SIPA1L3: variants seen among roughly 807,000 people sequenced by gnomAD.
SIPA1L3 encodes signal induced proliferation associated 1 like 3.
SIPA1L3 carries 59 observed loss-of-function variants against 150.1 expected under a neutral mutation model. The observed-to-expected ratio is 0.39, with a 90% CI of 0.32 to 0.49. SIPA1L3 has a LOEUF of 0.49. SIPA1L3 is among the 20% of genes least tolerant of loss of function. The probability of loss-of-function intolerance (pLI) is 0.86; values close to 1 mark genes in which losing one functional copy is unlikely to be tolerated. For synonymous variants in SIPA1L3, 1,070 were observed against 1,077.6 expected (o/e 0.99, Z 0.14); for missense variants, 2,211 against 2,489.5 (o/e 0.89, Z 2.38).
intron 1 of SIPA1L3, among the ~76,000 whole-genome samples, chr19:37,938,835 C>G (rs834314): frequency 6.6e-6 from 1 of 152,056 alleles, no homozygotes; most frequent in Admixed American, 6.6e-5. Flanking sequence ...GTTGGCCAGG[C>G]TGGTCTCAAA....
In SIPA1L3 at chr19:38,201,431, G is replaced by A. The variant is rs181793756; in HGVS notation, c.4985-431G>A. The stretch of plus-strand genomic sequence containing the variant: ...TTTTGAAATCTTCCCAGCTTCCTCC[G>A]AAGGAGAGCGAATTGTATAACGAAT... On this transcript the variant is annotated intron_variant, in intron 19 of 21. Transcript: ENST00000222345. Among the ~76,000 whole-genome samples, 686 of 152,300 alleles carry A rather than the reference G, an allele frequency of 4.5e-3. 2 individuals carry two copies. Among genetic ancestry groups the A allele is most frequent in the African/African-American group, 0.016 (652 of 41,560 alleles).
intron 1 of SIPA1L3, among the ~76,000 whole-genome samples, chr19:38,027,597 C>G (rs900291569): frequency 2.6e-5 from 4 of 151,872 alleles, no homozygotes; most frequent in Non-Finnish European, 5.9e-5. Context: ...CTTCATTGAC[C>G]ATTGTGACAG....
Position 38,088,895 on chromosome 19 carries a change from C to G in SIPA1L3, c.1665+44C>G, listed in dbSNP as rs1323678567. ...GTTCTTATTAAAGAAATCATAGCCA[C>G]TCACATCTCGAGCCAGGTTCTGGGG... On this transcript the variant is annotated intron_variant, in intron 4 of 21. Transcript: ENST00000222345. 3 of 1,600,994 alleles carry G rather than the reference C, an allele frequency of 1.9e-6. No individual in the cohort carries two copies. In the African/African-American group the frequency reaches 4.0e-5, roughly 21 times the overall value.
In SIPA1L3 at chr19:38,102,265, T is replaced by G. The variant is rs535650115; in HGVS notation, c.2029+1039T>G. Among the ~76,000 whole-genome samples, 39 of 144,952 alleles carry G rather than the reference T, an allele frequency of 2.7e-4. 1 individual carries two copies. The highest frequency in any genetic ancestry group is 2.2e-3 in the South Asian group (10 of 4,606). ...ATTTACTATATTGGCCAGGTTGGTCTTGAACTGCTGACCTCGTGATCTGCC... is the reference window on the plus strand; with the variant it reads ...ATTTACTATATTGGCCAGGTTGGTCGTGAACTGCTGACCTCGTGATCTGCC... On this transcript the variant is annotated intron_variant, in intron 6 of 21. Coordinates refer to ENST00000222345, the MANE Select transcript of SIPA1L3 (RefSeq NM_015073.3).
intron 1 of SIPA1L3, among the ~76,000 whole-genome samples, chr19:37,999,726 G>C (rs936138640): frequency 2.0e-5 from 3 of 152,262 alleles, no homozygotes; most frequent in Non-Finnish European, 2.9e-5. Context: ...GCTTCCGGCT[G>C]TCTCACTTCT....
At position 38,018,019 on chromosome 19, in the gene SIPA1L3, G is replaced by T. The variant is rs10419700; in HGVS notation, c.-378-11070G>T. Among the ~76,000 whole-genome samples the T allele has an allele frequency of 1.0e-2, 1,510 of 151,598 alleles. 22 individuals carry two copies. Among genetic ancestry groups the T allele is most frequent in the African/African-American group, 0.033 (1,380 of 41,394 alleles). On this transcript the variant is annotated intron_variant, in intron 1 of 21. Coordinates refer to ENST00000222345, the MANE Select transcript of SIPA1L3 (RefSeq NM_015073.3). Reference sequence around the variant, plus strand: ...CACCCTCCCTTGCTGCAGCCATCCAGCCACATGGGCTCCCTGCGTGTTTCT... The same window carrying T: ...CACCCTCCCTTGCTGCAGCCATCCATCCACATGGGCTCCCTGCGTGTTTCT...
At chr19:38,129,708 T>G (rs1002445213) in intron 9 of SIPA1L3, among the ~76,000 whole-genome samples, 19 of 152,024 alleles carry the variant, frequency 1.2e-4, no homozygotes, top group Admixed American at 1.1e-3. Context: ...GTACTTCTGG[T>G]CTCATGCTTC....
intron 2 of SIPA1L3, among the ~76,000 whole-genome samples, chr19:38,052,368 G>A (rs1265169633): frequency 2.6e-5 from 4 of 152,238 alleles, no homozygotes; most frequent in African/African-American, 9.6e-5. Flanking sequence ...AGCAACCAGA[G>A]CTGAAGGGCG....
chr19:38,130,866 G>A, intron 10 of SIPA1L3, 94 bp downstream of exon 10: 1 of 1,386,696 alleles, frequency 7.2e-7, no homozygotes, highest in Non-Finnish European at 9.8e-7. Flanking sequence ...GGTCCCAATA[G>A]AGGGGGGATA....
intron 2 of SIPA1L3, among the ~76,000 whole-genome samples, chr19:38,036,322 G>C (rs1471901675): frequency 6.6e-6 from 1 of 152,250 alleles, no homozygotes; most frequent in African/African-American, 2.4e-5. Flanking sequence ...TGCTGGTTCA[G>C]CTTCCTCTGG....
chr19:38,142,504 TC>T lies in SIPA1L3; in HGVS notation c.3396-67del, dbSNP rs1484527850. 7.3e-6 allele frequency: 11 copies of T among 1,505,032 alleles called. No individual in the cohort carries two copies. The African/African-American group carries it at 1.2e-4, about 17-fold the overall frequency. The allele number at this position is 1,505,032 out of a possible 1,614,324, so 93.2% of individuals were successfully genotyped here. A position where few individuals can be genotyped will look rare whatever the true frequency, so the allele number is the denominator to read the frequency against. ...GTCTGTCCATCCATCTGTCTGTCCG[TC>T]CATCCTCCCAGGGCAGGGGTACCCT... On this transcript the variant is annotated intron_variant, in intron 11 of 21. Transcript: ENST00000222345.
chr19:38,036,103 C>T (rs1274404856), intron 2 of SIPA1L3, among the ~76,000 whole-genome samples: 2 of 152,208 alleles, frequency 1.3e-5, no homozygotes, highest in Non-Finnish European at 2.9e-5. Flanking sequence ...ATTCCTGAGA[C>T]TTTTCAGCAC....
At chr19:37,985,126 T>A (rs1967312841) in intron 1 of SIPA1L3, among the ~76,000 whole-genome samples, 2 of 152,114 alleles carry the variant, frequency 1.3e-5, no homozygotes, top group Admixed American at 6.6e-5. Flanking sequence ...GGCAGGAGGA[T>A]CAGTTGAGGC....
At chr19:37,921,466 C>T (rs1048510103) in intron 1 of SIPA1L3, among the ~76,000 whole-genome samples, 2 of 152,170 alleles carry the variant, frequency 1.3e-5, no homozygotes, top group Non-Finnish European at 2.9e-5. Flanking sequence ...ATGGTGAGCT[C>T]TTTCCTCTGG....
At chr19:37,918,828 AC>A (rs1275019328) in intron 1 of SIPA1L3, among the ~76,000 whole-genome samples, 1 of 151,752 alleles carries the variant, frequency 6.6e-6, no homozygotes, top group African/African-American at 2.4e-5. Context: ...CCAAGATCAC[AC>A]CACTGCACTC....
intron 2 of SIPA1L3, among the ~76,000 whole-genome samples, chr19:38,072,131 G>A (rs1213692595): frequency 6.6e-6 from 1 of 152,234 alleles, no homozygotes; most frequent in Non-Finnish European, 1.5e-5. Context: ...GAGGTAAGAA[G>A]GGGCTGGGGT....
In SIPA1L3 at chr19:38,082,890, T is replaced by C. The variant is rs1486485422; in HGVS notation, c.1325T>C (p.Val442Ala). ...NEIGGECERN[V>A]SFSRASVGSP... is the part of the protein sequence containing the mutation. ...ATCGGGGGCGAGTGTGAGCGCAACG[T>C]GAGCTTCTCCCGGGCTTCCGTGGGC... The change falls in exon 3 of 22, where the codon GTG (valine) becomes GCG (alanine). Residue 442 changes from valine to alanine, a missense_variant. By Grantham distance (64) the Val-to-Ala change is moderately conservative (BLOSUM62 0). Transcript: ENST00000222345. The C allele has an allele frequency of 6.2e-7, 1 of 1,613,270 alleles. No individual in the cohort carries two copies. Among genetic ancestry groups the C allele is most frequent in the Non-Finnish European group, 8.5e-7 (1 of 1,179,892 alleles).
intron 1 of SIPA1L3, among the ~76,000 whole-genome samples, chr19:37,988,568 C>T (rs1247533922): frequency 3.3e-5 from 5 of 151,962 alleles, no homozygotes; most frequent in African/African-American, 1.2e-4. Context: ...CCTAGCTACT[C>T]GGGAGGCTGA....
chr19:37,968,543 G>A (rs1371703922), intron 1 of SIPA1L3, among the ~76,000 whole-genome samples: 2 of 152,136 alleles, frequency 1.3e-5, no homozygotes, highest in Non-Finnish European at 2.9e-5. Context: ...GGGTCTTTGA[G>A]TCTCAGGTAA....
Sources: allele counts gnomAD v4.1 joint callset (sites outside exome capture counted in the v4.1 genomes callset), GRCh38; gene constraint gnomAD v4.1.1; transcripts MANE v1.5; gene names NCBI Gene and HGNC (gene_info 2026-07-23, HGNC 2026-07-21).